WWP2: variants seen among roughly 807,000 people sequenced by gnomAD.
The protein encoded by WWP2 is NEDD4-like E3 ubiquitin-protein ligase WWP2.
A neutral mutation model predicts 121.0 loss-of-function variants in WWP2; 57 were observed. The ratio of observed to expected loss-of-function variants is 0.47; its 90% CI spans 0.38 to 0.59. The LOEUF is 0.59. Among genes scored for constraint, WWP2 ranks in the 20% least tolerant of loss-of-function variants. WWP2 has a pLI of 0.00. For synonymous variants in WWP2, 449 were observed against 441.3 expected (o/e 1.02, Z -0.22); for missense variants, 962 against 1,158.9 (o/e 0.83, Z 2.47).
rs551932665 is a variant in WWP2, at chr16:69,923,827, G to A, written c.1180-1603G>A. Among the ~76,000 whole-genome samples the A allele has an allele frequency of 1.4e-4, 22 of 152,236 alleles. No homozygotes were observed. The East Asian group carries it at 3.9e-3, about 27-fold the overall frequency. ...CATTTGTTCCTTTGCCTCTGTTGCC[G>A]AATGTTTTTAATGTGTTAACTACAA... On this transcript the variant is annotated intron_variant, in intron 10 of 23. Coordinates refer to ENST00000359154, the MANE Select transcript of WWP2 (RefSeq NM_001270454.2).
intron 4 of WWP2, among the ~76,000 whole-genome samples, chr16:69,820,185 A>T (rs1319652494): frequency 6.6e-6 from 1 of 152,108 alleles, no homozygotes; most frequent in African/African-American, 2.4e-5. Context: ...GTGAACTGTG[A>T]TCATGCCACT....
intron 4 of WWP2, among the ~76,000 whole-genome samples, chr16:69,824,767 CTTT>C (rs34154307): frequency 6.0e-5 from 5 of 82,788 alleles, no homozygotes; most frequent in Non-Finnish European, 6.5e-5. Context: ...GCACCTGTGG[CTTT>C]TTTTTTTTTT....
rs1335885114 is a variant in WWP2, at chr16:69,828,408, C to A, written c.341-11718C>A. ...TGAGACATAGTTTCGCTCTTGTTGC[C>A]CAGGCTGGAGTACAACAGCGCGATC... On this transcript the variant is annotated intron_variant, in intron 4 of 23. Transcript: ENST00000359154. Among the ~76,000 whole-genome samples, 5 of 151,962 alleles carry A rather than the reference C, an allele frequency of 3.3e-5. No individual in the cohort carries two copies. The East Asian group carries it at 9.6e-4, about 29-fold the overall frequency.
intron 1 of WWP2, among the ~76,000 whole-genome samples, chr16:69,771,913 T>C (rs963622226): frequency 1.3e-5 from 2 of 151,840 alleles, no homozygotes; most frequent in African/African-American, 4.8e-5. Flanking sequence ...AAGTCTTGAG[T>C]TTGGTTTCAC....
chr16:69,897,426 A>C (rs1036743497), intron 8 of WWP2, among the ~76,000 whole-genome samples: 2 of 151,292 alleles, frequency 1.3e-5, no homozygotes, highest in African/African-American at 4.9e-5. Context: ...TTTTTTAACC[A>C]CCTCTTTTTA....
At chr16:69,932,781 T>G (rs1232816927) in intron 16 of WWP2, among the ~76,000 whole-genome samples, 1 of 152,214 alleles carries the variant, frequency 6.6e-6, no homozygotes, top group Non-Finnish European at 1.5e-5. Flanking sequence ...TTGTCTTGCC[T>G]TCACCCTGGT....
intron 8 of WWP2, among the ~76,000 whole-genome samples, chr16:69,907,596 A>C (rs1309784518): frequency 6.6e-6 from 1 of 152,228 alleles, no homozygotes; most frequent in Non-Finnish European, 1.5e-5. Flanking sequence ...ATAGGTTACT[A>C]TATTCTGGGT....
chr16:69,829,116 C>A (rs1195149504), intron 4 of WWP2, among the ~76,000 whole-genome samples: 1 of 152,180 alleles, frequency 6.6e-6, no homozygotes, highest in African/African-American at 2.4e-5. Context: ...CTTGCCCACC[C>A]CGTTTTCTAA....
chr16:69,786,876 GT>G, intron 1 of WWP2, 119 bp from the exon 2 acceptor site: 1 of 801,224 alleles, frequency 1.2e-6, no homozygotes, highest in Non-Finnish European at 2.0e-6. Context: ...CCTGGTTGCA[GT>G]TGCTTGGACG....
intron 8 of WWP2, among the ~76,000 whole-genome samples, chr16:69,894,371 G>A (rs1209754716): frequency 1.3e-5 from 2 of 151,882 alleles, no homozygotes; most frequent in South Asian, 2.1e-4. Flanking sequence ...ATGAGCCACC[G>A]CACCTGGCTG....
chr16:69,812,555 T>C (rs1416010316), intron 4 of WWP2, among the ~76,000 whole-genome samples: 6 of 145,820 alleles, frequency 4.1e-5, no homozygotes, highest in Admixed American at 7.0e-5. Context: ...CACGGCTCAC[T>C]GCAGCCTCTA....
At position 69,798,905 on chromosome 16, in the gene WWP2, G is replaced by C. The variant is rs139898756; in HGVS notation, c.218+76G>C. 457 of 1,563,946 alleles carry C rather than the reference G, an allele frequency of 2.9e-4. 5 individuals are homozygous for C. In the East Asian group the frequency reaches 9.6e-3, roughly 33 times the overall value. On this transcript the variant is annotated intron_variant, in intron 3 of 23. Coordinates refer to ENST00000359154, the MANE Select transcript of WWP2 (RefSeq NM_001270454.2). ...GGGTGCTCCGAGGGGGTTGTGGGAG[G>C]TACAGATTCCCTGTGGCACCTCCGA...
At chr16:69,854,943 C>G (rs1427148353) in intron 6 of WWP2, among the ~76,000 whole-genome samples, 3 of 152,158 alleles carry the variant, frequency 2.0e-5, no homozygotes, top group Admixed American at 6.5e-5. Context: ...GCAGCCTCAA[C>G]CTCCAAGGCT....
intron 4 of WWP2, among the ~76,000 whole-genome samples, chr16:69,833,114 C>T (rs1322334462): frequency 6.6e-6 from 1 of 152,254 alleles, no homozygotes. Context: ...CTGCCTTGGC[C>T]TCCCAAAGTG....
intron 6 of WWP2, among the ~76,000 whole-genome samples, chr16:69,865,368 T>TA (rs1317126560): frequency 6.6e-6 from 1 of 152,184 alleles, no homozygotes; most frequent in Non-Finnish European, 1.5e-5. Context: ...TTTGATTATT[T>TA]AAAAAATATT....
In WWP2 at chr16:69,887,947, A is replaced by G. The variant is rs1157482715; in HGVS notation, c.704-92A>G. 4.1e-6 allele frequency: 6 copies of G among 1,459,524 alleles called. No homozygotes were observed. The Admixed American group carries it at 7.4e-5, about 18-fold the overall frequency. The allele number at this position is 1,459,524 out of a possible 1,614,324, so 90.4% of individuals were successfully genotyped here. On this transcript the variant is annotated intron_variant, in intron 7 of 23. Coordinates refer to ENST00000359154, the MANE Select transcript of WWP2 (RefSeq NM_001270454.2). ...ATACATGTAGTGTAACATTGTAGAT[A>G]CCATGTTAGCCTATTAAGTGAAAAA... is the stretch of plus-strand genomic sequence containing the variant.
In WWP2 at chr16:69,842,124, A is replaced by G. The variant is rs1362328394; in HGVS notation, c.575+4A>G. 6.2e-7 allele frequency: 1 copy of G among 1,611,610 alleles called. No homozygotes were observed. ...ACTGCTTTGGTGGAAGATCCCGGTAAGACCCCCCTTGGTGAGGACAAAGAG... is the reference window on the plus strand; with the variant it reads ...ACTGCTTTGGTGGAAGATCCCGGTAGGACCCCCCTTGGTGAGGACAAAGAG... On this transcript the variant is annotated splice_donor_region_variant and intron_variant, in intron 6 of 23. Transcript: ENST00000359154.
intron 16 of WWP2, 93 bp from the exon 17 acceptor site, chr16:69,933,877 A>C: frequency 2.4e-4 from 351 of 1,442,234 alleles, no homozygotes; most frequent in Middle Eastern, 5.4e-4. Context: ...TCCCCATACT[A>C]ACCTGAGACA....
At chr16:69,872,098 T>C (rs2057650997) in intron 7 of WWP2, among the ~76,000 whole-genome samples, 167 bp downstream of exon 7, 1 of 152,240 alleles carries the variant, frequency 6.6e-6, no homozygotes, top group Non-Finnish European at 1.5e-5. Flanking sequence ...ACCCATCTTC[T>C]TCTCTCTCTG....
Sources: gnomAD v4.1 joint callset for allele counts (sites outside exome capture counted in the v4.1 genomes callset) on GRCh38, gnomAD v4.1.1 for gene constraint, MANE v1.5 for transcripts, NCBI Gene and HGNC (gene_info 2026-07-23, HGNC 2026-07-21) for gene names.